The following NEDD9 variants were observed in gnomAD, a reference collection of about 807,000 sequenced individuals.
The protein encoded by NEDD9 is neural precursor cell expressed, developmentally down-regulated 9.
In NEDD9, 26 loss-of-function variants were observed where a neutral mutation model predicts 76.6. The ratio of observed to expected loss-of-function variants is 0.34; its 90% CI spans 0.25 to 0.47. The LOEUF is 0.47. NEDD9 is among the 20% of genes least tolerant of loss of function. The probability of loss-of-function intolerance (pLI) is 1.00; values close to 1 mark genes in which losing one functional copy is unlikely to be tolerated. For missense variants in NEDD9, 937 were observed against 1,058.5 expected (o/e 0.89, Z 1.59); for synonymous variants, 392 against 414.2 (o/e 0.95, Z 0.65).
At chr6:11,273,001 C>T (rs1760342675) in intron 3 of NEDD9, among the ~76,000 whole-genome samples, 1 of 152,062 alleles carries the variant, frequency 6.6e-6, no homozygotes. Flanking sequence ...AACACCGCCT[C>T]CCACAGAGAT....
rs1420268132 is a variant in NEDD9 at position 11,198,135 on chromosome 6, C to G, written c.460-4443G>C. 6.6e-6 allele frequency among the ~76,000 whole-genome samples: 1 copy of G among 152,134 alleles called. No individual in the cohort carries two copies. Among genetic ancestry groups the G allele is most frequent in the Non-Finnish European group, 1.5e-5 (1 of 68,018 alleles). ...GGGAAGACATTGCGCCCTGTGTTGC[C>G]AGATCTTTCACGTTTTCAGAAGCCA... On this transcript the variant is annotated intron_variant, in intron 2 of 6. Transcript: ENST00000379446. This position sits in a 1 kb window ranked among gnomAD's most constrained non-coding sequence, Gnocchi z 4.7.
intron 3 of NEDD9, among the ~76,000 whole-genome samples, chr6:11,238,520 A>G (rs113853446): frequency 0.017 from 2,568 of 152,318 alleles, 52 homozygotes; most frequent in African/African-American, 0.047. Context: ...AGCCGTGTAA[A>G]TACAAATGCA....
chr6:11,234,082 A>AC (rs1172192634), upstream of NEDD9, among the ~76,000 whole-genome samples: 5 of 151,754 alleles, frequency 3.3e-5, no homozygotes, highest in Non-Finnish European at 1.5e-5. Context: ...CAGGGACATG[A>AC]CCCCCCAGGC....
At position 11,354,448 on chromosome 6, in the gene NEDD9, A is replaced by G. The variant is rs576223660; in HGVS notation, c.-213-19887T>C. On this transcript the variant is annotated intron_variant, in intron 1 of 3. Transcript: ENST00000397378. The stretch of plus-strand genomic sequence containing the variant: ...GTGCGTGTCTTCAAAATTAGAACTG[A>G]CAATGGTGACCTTGGAGTCTTGCAA... Among the ~76,000 whole-genome samples, 56 of 152,294 alleles carry G rather than the reference A, an allele frequency of 3.7e-4. 1 individual carries two copies. The highest frequency in any genetic ancestry group is 4.1e-4 in the South Asian group (2 of 4,824).
intron 1 of NEDD9, among the ~76,000 whole-genome samples, chr6:11,353,295 T>G (rs1223212220): frequency 6.6e-6 from 1 of 152,258 alleles, no homozygotes; most frequent in Middle Eastern, 3.2e-3. Context: ...TTTGCAGATT[T>G]CATCAAGTTA....
At chr6:11,249,047 CAT>C (rs1176021268) in intron 3 of NEDD9, 1 of 442,944 alleles carries the variant, frequency 2.3e-6, no homozygotes, top group Non-Finnish European at 4.5e-6. Flanking sequence ...TGGGTAATTT[CAT>C]ATGTCAACGT....
chr6:11,327,972 G>A (rs1761963729), intron 2 of NEDD9, among the ~76,000 whole-genome samples: 1 of 152,234 alleles, frequency 6.6e-6, no homozygotes, highest in Non-Finnish European at 1.5e-5. Context: ...TCACCCTAGG[G>A]GGAAAATGGA....
rs543795835 is a variant in NEDD9 at position 11,190,881 on chromosome 6, C to G, written c.988G>C (p.Ala330Pro). The change falls in exon 5 of 7, where the codon GCA (alanine) becomes CCA (proline). Residue 330 changes from alanine (A) to proline (P), a missense_variant. Ala to Pro is a conservative substitution (Grantham distance 27, BLOSUM62 -1). Transcript: ENST00000379446. This position sits in a 1 kb window ranked among gnomAD's most constrained non-coding sequence, Gnocchi z 5.8. ...PRGVQFLEPP[A>P]ETSEKANPQE... ...GGGTTTGCTTTCTCACTGGTTTCTGCTGGTGGCTCAAGAAACTGAACGCCT... is the reference window on the plus strand; with the variant it reads ...GGGTTTGCTTTCTCACTGGTTTCTGGTGGTGGCTCAAGAAACTGAACGCCT... The G allele has an allele frequency of 2.5e-6, 4 of 1,614,132 alleles. No individual in the cohort carries two copies. In the African/African-American group the frequency reaches 5.3e-5, roughly 22 times the overall value.
chr6:11,341,922 C>CA (rs754586837), intron 1 of NEDD9, among the ~76,000 whole-genome samples: 1 of 151,854 alleles, frequency 6.6e-6, no homozygotes, highest in African/African-American at 2.4e-5. Context: ...AATATATATT[C>CA]AAAAAATATA....
rs950957813 is a variant in NEDD9 at position 11,241,969 on chromosome 6, C to T, written c.13-28242G>A. Among the ~76,000 whole-genome samples the T allele has an allele frequency of 2.8e-4, 42 of 152,320 alleles. No individual in the cohort carries two copies. Among genetic ancestry groups the T allele is most frequent in the African/African-American group, 8.4e-4 (35 of 41,584 alleles). On this transcript the variant is annotated intron_variant, in intron 3 of 3. Transcript: ENST00000397378. This position sits in a 1 kb window ranked among gnomAD's most constrained non-coding sequence, Gnocchi z 4.0. ...TGGCGGGAACACAGCACACCCTGCA[C>T]GGTTCAAGCCAAGCTTTTGAAGAGT... is the stretch of plus-strand genomic sequence containing the variant.
intron 3 of NEDD9, among the ~76,000 whole-genome samples, chr6:11,249,800 G>A (rs1472872253): frequency 1.3e-5 from 2 of 152,186 alleles, no homozygotes; most frequent in Non-Finnish European, 2.9e-5. Flanking sequence ...CTAGGGTACT[G>A]GGCAATAGAG....
intron 3 of NEDD9, among the ~76,000 whole-genome samples, chr6:11,244,906 G>T (rs574837008): frequency 7.9e-5 from 12 of 152,192 alleles, no homozygotes; most frequent in Non-Finnish European, 1.3e-4. Context: ...AGACAACTCA[G>T]TTCAGAAGGC....
chr6:11,287,270 A>G (rs1448447522), intron 3 of NEDD9, among the ~76,000 whole-genome samples: 1 of 152,234 alleles, frequency 6.6e-6, no homozygotes. Flanking sequence ...TCTACTAAAA[A>G]TACAAAAATC....
At chr6:11,222,690 G>A (rs952399536) in intron 1 of NEDD9, among the ~76,000 whole-genome samples, 6 of 152,230 alleles carry the variant, frequency 3.9e-5, no homozygotes, top group Non-Finnish European at 5.9e-5. Context: ...ATACTTTAAA[G>A]TTGCCTTAGA....
chr6:11,194,278 C>T (rs3798727), intron 2 of NEDD9, among the ~76,000 whole-genome samples: 47,070 of 152,038 alleles, frequency 0.31, 7,561 homozygotes, highest in Middle Eastern at 0.42. Context: ...GCACTGCAAG[C>T]ATATTTCTGA....
chr6:11,274,135 T>C (rs1449293372), intron 3 of NEDD9, among the ~76,000 whole-genome samples: 1 of 152,180 alleles, frequency 6.6e-6, no homozygotes, highest in African/African-American at 2.4e-5. Flanking sequence ...AGTTAGTATT[T>C]GTTAGGAGCT....
At chr6:11,203,717 TG>T (rs1758521844) in intron 2 of NEDD9, among the ~76,000 whole-genome samples, 1 of 152,162 alleles carries the variant, frequency 6.6e-6, no homozygotes, top group African/African-American at 2.4e-5. Context: ...TGCTCCTTAA[TG>T]GGGAACTCTG....
chr6:11,195,703 G>T (rs952861072), intron 2 of NEDD9, among the ~76,000 whole-genome samples: 2 of 152,228 alleles, frequency 1.3e-5, no homozygotes, highest in Non-Finnish European at 2.9e-5. Flanking sequence ...TTAAAAAACA[G>T]AAGCGGGCAT....
Position 11,305,321 on chromosome 6 carries a change from G to T in NEDD9, c.12+671C>A, listed in dbSNP as rs75208573. ...AGAAACAGAGATTCAAAAGGGTCAG[G>T]TCACTGGCTCCAGGTCAACTCTACT... is the stretch of plus-strand genomic sequence containing the variant. On this transcript the variant is annotated intron_variant, in intron 3 of 3. Transcript: ENST00000397378. 1.3e-3 allele frequency: 501 copies of T among 378,632 alleles called. 1 individual carries two copies. The highest frequency in any genetic ancestry group is 3.5e-3 in the Admixed American group (79 of 22,860). The allele number at this position is 378,632 out of a possible 1,614,324, so 23.5% of individuals were successfully genotyped here.
Sources: allele counts gnomAD v4.1 joint callset (sites outside exome capture counted in the v4.1 genomes callset), GRCh38; gene constraint gnomAD v4.1.1; non-coding constraint Gnocchi (gnomAD v3.1); transcripts MANE v1.5; gene names NCBI Gene and HGNC (gene_info 2026-07-23, HGNC 2026-07-21).